The following GALNT9 variants were observed in gnomAD, a reference collection of about 807,000 sequenced individuals.
GALNT9 encodes the protein polypeptide N-acetylgalactosaminyltransferase 9.
GALNT9 carries 47 observed loss-of-function variants against 63.1 expected under a neutral mutation model. The ratio of observed to expected loss-of-function variants is 0.75; its 90% CI spans 0.59 to 0.95. GALNT9 has a LOEUF of 0.95. Ranked by LOEUF, GALNT9 falls within the 40% of genes least tolerant of loss-of-function variation. The probability of loss-of-function intolerance (pLI) is 0.00; values close to 1 mark genes in which losing one functional copy is unlikely to be tolerated. For synonymous variants in GALNT9, 396 were observed against 365.7 expected (o/e 1.08, Z -0.94); for missense variants, 829 against 874.8 (o/e 0.95, Z 0.66).
In GALNT9 at chr12:132,286,108, TGGGGGGCGGTCACTTC is replaced by T; in HGVS notation, c.419+126_419+141del. On this transcript the variant is annotated intron_variant, in intron 2 of 10. Transcript: ENST00000328957. This position sits in a 1 kb window ranked among gnomAD's most constrained non-coding sequence, Gnocchi z 7.4. Reference sequence around the variant, plus strand: ...GGGGCGGTCACTTCCCCGGCGGGCGTGGGGGGCGGTCACTTCCCTGGCGGGCGTGGGGGCCGCTCAC... The same window carrying T: ...GGGGCGGTCACTTCCCCGGCGGGCGTCCTGGCGGGCGTGGGGGCCGCTCAC... 5 of 986,740 alleles carry T rather than the reference TGGGGGGCGGTCACTTC, an allele frequency of 5.1e-6. No homozygotes were observed. Among genetic ancestry groups the T allele is most frequent in the Non-Finnish European group, 7.0e-6 (5 of 716,766 alleles). 61.1% of individuals were successfully genotyped at this position (986,740 alleles called of 1,614,324 possible). A position where few individuals can be genotyped will look rare whatever the true frequency, so the allele number is the denominator to read the frequency against.
At chr12:132,216,721 C>T (rs1423903721) in intron 6 of GALNT9, among the ~76,000 whole-genome samples, 4 of 152,234 alleles carry the variant, frequency 2.6e-5, no homozygotes, top group African/African-American at 4.8e-5. Context: ...GGGATGCCCA[C>T]TCACAAGACT....
intron 7 of GALNT9, among the ~76,000 whole-genome samples, chr12:132,203,264 G>A (rs1000869809): frequency 3.9e-5 from 6 of 152,126 alleles, no homozygotes; most frequent in African/African-American, 1.2e-4. Flanking sequence ...GAGGAAAAAC[G>A]CCCACCACAC....
At chr12:132,255,905 A>G (rs1442238637) in intron 5 of GALNT9, among the ~76,000 whole-genome samples, 3 of 151,034 alleles carry the variant, frequency 2.0e-5, no homozygotes, top group Non-Finnish European at 4.4e-5. Flanking sequence ...AACTTCTAAC[A>G]TGGCCCCATC....
intron 2 of GALNT9, among the ~76,000 whole-genome samples, chr12:132,270,255 C>T (rs1160227437): frequency 6.6e-6 from 1 of 152,208 alleles, no homozygotes; most frequent in African/African-American, 2.4e-5. Flanking sequence ...GTGTGAGAAA[C>T]AGAAGTTGTC....
In GALNT9 at chr12:132,203,539, G is replaced by A; in HGVS notation, c.1229C>T (p.Ser410Phe). ...AAEVWMDDFKSHVYMAWNIPM... is the reference protein window; with the variant it reads ...AAEVWMDDFKFHVYMAWNIPM... Reference sequence around the variant, plus strand: ...GATGTTCCAGGCCATGTACACGTGGGACTTGAAGTCATCCATCCACACCTC... The same window carrying A: ...GATGTTCCAGGCCATGTACACGTGGAACTTGAAGTCATCCATCCACACCTC... Residue 410 changes from serine to phenylalanine, a missense_variant, in exon 7 of 11, where the codon TCC (serine) becomes TTC (phenylalanine). Transcript: ENST00000328957. The A allele has an allele frequency of 6.2e-7, 1 of 1,613,978 alleles. No homozygotes were observed. Among genetic ancestry groups the A allele is most frequent in the Non-Finnish European group, 8.5e-7 (1 of 1,179,852 alleles).
intron 1 of GALNT9, among the ~76,000 whole-genome samples, chr12:132,308,562 C>T (rs558495640): frequency 1.4e-4 from 21 of 152,108 alleles, no homozygotes; most frequent in African/African-American, 3.9e-4. Flanking sequence ...GCCCCACGAA[C>T]GCAGGGTGGG....
intron 1 of GALNT9, among the ~76,000 whole-genome samples, chr12:132,291,069 A>G (rs1468325812): frequency 2.8e-5 from 2 of 72,138 alleles, no homozygotes; most frequent in Non-Finnish European, 2.8e-5. Context: ...CAGCACCCAC[A>G]ACCACAGCAC....
Position 132,238,164 on chromosome 12 carries a change from T to C in GALNT9, c.1077+9746A>G, listed in dbSNP as rs1878072553. Among the ~76,000 whole-genome samples the C allele has an allele frequency of 6.6e-6, 1 of 152,150 alleles. No individual in the cohort carries two copies. Among genetic ancestry groups the C allele is most frequent in the South Asian group, 2.1e-4 (1 of 4,824 alleles). On this transcript the variant is annotated intron_variant, in intron 6 of 10. Transcript: ENST00000328957. The surrounding 1 kb of genome is among the most constrained non-coding windows in gnomAD (Gnocchi z 6.5). The stretch of plus-strand genomic sequence containing the variant: ...TTACAGCAACGAGCCTGGCTGATGC[T>C]TCCAAGGCTAAGGACGCGGGCAGGG...
At chr12:132,205,958 C>T (rs1444164456) in intron 6 of GALNT9, 2 of 152,318 alleles carry the variant, frequency 1.3e-5, no homozygotes, top group East Asian at 1.9e-4. Context: ...GGGGCCGGAA[C>T]GAAGGAAGCT....
At chr12:132,214,108 G>A (rs1565989128) in intron 6 of GALNT9, among the ~76,000 whole-genome samples, 2 of 152,204 alleles carry the variant, frequency 1.3e-5, no homozygotes, top group Admixed American at 6.5e-5. Flanking sequence ...TACCAGGAGG[G>A]GCACTGACCC....
chr12:132,197,817 G>C lies in GALNT9; in HGVS notation c.1640C>G (p.Thr547Arg), dbSNP rs1481447866. ...LKKCEDVARP[T>R]QRLWDFTQSG... ...CTGGGTGAAGTCCCACAGCCGCTGT[G>C]TTGGCCGCGCCACATCCTCACACTT... The change falls in exon 10 of 11, where the codon ACA (threonine) becomes AGA (arginine). Residue 547 changes from threonine (T) to arginine (R), a missense_variant. Thr to Arg is a moderately conservative substitution (Grantham distance 71). Coordinates refer to ENST00000328957, the MANE Select transcript of GALNT9 (RefSeq NM_001122636.2). The C allele has an allele frequency of 1.3e-6, 2 of 1,594,436 alleles. No individual in the cohort carries two copies. Among genetic ancestry groups the C allele is most frequent in the African/African-American group, 2.7e-5 (2 of 74,738 alleles).
intron 2 of GALNT9, among the ~76,000 whole-genome samples, chr12:132,262,967 C>T (rs1555239912): frequency 6.6e-6 from 1 of 152,146 alleles, no homozygotes; most frequent in Non-Finnish European, 1.5e-5. Context: ...ACACATGGCC[C>T]CTGTGCCCAC....
chr12:132,219,304 C>A (rs1877342033), intron 6 of GALNT9, among the ~76,000 whole-genome samples: 1 of 152,180 alleles, frequency 6.6e-6, no homozygotes. Context: ...GACATAGAAC[C>A]CTCCCCTGCC....
In GALNT9 at chr12:132,329,232, G is replaced by A; in HGVS notation, c.-29C>T. Reference sequence around the variant, plus strand: ...CACGGCTGCAGCGGGGGCCTCACCCGCGGGGCATCCCCAGCATCCCCGCCC... The same window carrying A: ...CACGGCTGCAGCGGGGGCCTCACCCACGGGGCATCCCCAGCATCCCCGCCC... On this transcript the variant is annotated 5_prime_UTR_variant, in exon 1 of 11. Transcript: ENST00000328957. 2.6e-6 allele frequency: 4 copies of A among 1,529,512 alleles called. No individual in the cohort carries two copies. The highest frequency in any genetic ancestry group is 3.5e-6 in the Non-Finnish European group (4 of 1,132,372). The allele number at this position is 1,529,512 out of a possible 1,614,324, so 94.7% of individuals were successfully genotyped here. A position where few individuals can be genotyped will look rare whatever the true frequency, so the allele number is the denominator to read the frequency against.
chr12:132,230,014 C>T (rs952772308), intron 6 of GALNT9, among the ~76,000 whole-genome samples: 57 of 152,298 alleles, frequency 3.7e-4, no homozygotes, highest in African/African-American at 1.2e-3. Flanking sequence ...ACCTGGGTCC[C>T]GGTGCCGCCC....
Position 132,257,661 on chromosome 12 carries a change from G to A in GALNT9, c.959+28C>T, listed in dbSNP as rs1555239234. The A allele has an allele frequency of 5.9e-6, 9 of 1,523,090 alleles. No individual in the cohort carries two copies. The South Asian group carries it at 6.1e-5, about 10-fold the overall frequency. 94.3% of individuals were successfully genotyped at this position (1,523,090 alleles called of 1,614,324 possible). ...GCTCCGCTCCTTGCCGGGCAGGGCC[G>A]CCCTCGACCCCTGAGGGCGCAGCTC... On this transcript the variant is annotated intron_variant, in intron 5 of 10. Transcript: ENST00000328957.
chr12:132,286,255 G>A lies in GALNT9; in HGVS notation c.414C>T (p.Pro138=), dbSNP rs1880584700. The change falls in exon 2 of 11, where the codon CCC becomes CCT. Residue 138 remains proline, a synonymous_variant. Coordinates refer to ENST00000328957, the MANE Select transcript of GALNT9 (RefSeq NM_001122636.2). This position sits in a 1 kb window ranked among gnomAD's most constrained non-coding sequence, Gnocchi z 7.4. ...SLDRSIPDYR[P]RKCRQMSYAQ... ...GGGGGCAGTCACTCACTCACTTTCT[G>A]GGCCGGTAGTCGGGGATGCTCCGAT... 1 of 1,550,200 alleles carries A rather than the reference G, an allele frequency of 6.5e-7. No homozygotes were observed. Among genetic ancestry groups the A allele is most frequent in the Non-Finnish European group, 8.7e-7 (1 of 1,146,214 alleles).
chr12:132,202,605 G>A (rs1412747187), intron 7 of GALNT9, among the ~76,000 whole-genome samples: 1 of 151,588 alleles, frequency 6.6e-6, no homozygotes, highest in Non-Finnish European at 1.5e-5. Flanking sequence ...TATGTGGACA[G>A]ATGTAAATGT....
At chr12:132,328,470 G>C (rs1353739599) in intron 1 of GALNT9, among the ~76,000 whole-genome samples, 1 of 152,248 alleles carries the variant, frequency 6.6e-6, no homozygotes, top group Non-Finnish European at 1.5e-5. Context: ...AGTGGTCGAA[G>C]CATTTGGGGT....
Sources: gnomAD v4.1 joint callset for allele counts (sites outside exome capture counted in the v4.1 genomes callset) on GRCh38, gnomAD v4.1.1 for gene constraint, Gnocchi (gnomAD v3.1) non-coding constraint, MANE v1.5 for transcripts, NCBI Gene and HGNC (gene_info 2026-07-23, HGNC 2026-07-21) for gene names.